The following SIDT1 variants were observed in gnomAD, a reference collection of about 807,000 sequenced individuals.
SIDT1 encodes SID1 transmembrane family member 1.
Under a neutral mutation model 107.5 loss-of-function variants are expected in SIDT1, and 101 were observed. The observed-to-expected ratio is 0.94, with a 90% CI of 0.80 to 1.11. The LOEUF is 1.11. Ranked by LOEUF, SIDT1 falls within the 50% of genes least tolerant of loss-of-function variation. The pLI is 0.00. For synonymous variants in SIDT1, 395 were observed against 398.2 expected, an observed-to-expected ratio of 0.99 and a Z score of 0.10; for missense variants, 1,076 against 1,058.2, an observed-to-expected ratio of 1.02 and a Z score of -0.23.
chr3:113,617,552 G>A (rs758193613), intron 20 of SIDT1, among the ~76,000 whole-genome samples: 7 of 152,162 alleles, frequency 4.6e-5, no homozygotes, highest in Non-Finnish European at 1.0e-4. Context: ...ATGGAAATCC[G>A]TGAGCACTCT....
intron 18 of SIDT1, 127 bp downstream of exon 18, chr3:113,611,271 A>C: frequency 6.8e-5 from 74 of 1,096,138 alleles, no homozygotes; most frequent in Non-Finnish European, 8.6e-5. Context: ...ATTTCATCTC[A>C]TGACACAATT....
chr3:113,555,328 C>T (rs1940726793), intron 1 of SIDT1, among the ~76,000 whole-genome samples: 1 of 152,168 alleles, frequency 6.6e-6, no homozygotes, highest in African/African-American at 2.4e-5. Flanking sequence ...TCATTGGCAT[C>T]CTGTTTGCAA....
intron 9 of SIDT1, among the ~76,000 whole-genome samples, chr3:113,588,350 G>A (rs1943889998): frequency 6.6e-6 from 1 of 152,202 alleles, no homozygotes; most frequent in Non-Finnish European, 1.5e-5. Context: ...GCTAATAGGA[G>A]AACTTTTCCT....
intron 21 of SIDT1, among the ~76,000 whole-genome samples, chr3:113,620,981 A>G (rs907162144): frequency 1.3e-5 from 2 of 152,210 alleles, no homozygotes; most frequent in East Asian, 3.8e-4. Context: ...AAGGGCCTCT[A>G]GGGATGGAGG....
At chr3:113,583,674 A>G (rs1943534813) in intron 7 of SIDT1, among the ~76,000 whole-genome samples, 178 bp downstream of exon 7, 2 of 152,244 alleles carry the variant, frequency 1.3e-5, no homozygotes, top group African/African-American at 4.8e-5. Context: ...TAACAGATCT[A>G]AAGGTATTAT....
intron 1 of SIDT1, among the ~76,000 whole-genome samples, chr3:113,545,787 T>C (rs183484291): frequency 1.1e-4 from 16 of 152,352 alleles, no homozygotes; most frequent in Admixed American, 2.0e-4. Flanking sequence ...AAACAAATTA[T>C]ATCAGTGATA....
At position 113,628,174 on chromosome 3, in the gene SIDT1, A is replaced by G; in HGVS notation, c.*466A>G. 6.3e-6 allele frequency: 1 copy of G among 157,756 alleles called. No individual in the cohort carries two copies. The highest frequency in any genetic ancestry group is 1.4e-5 in the Non-Finnish European group (1 of 71,318). The allele number at this position is 157,756 out of a possible 1,614,324, so 9.8% of individuals were successfully genotyped here. On this transcript the variant is annotated 3_prime_UTR_variant, in exon 25 of 25. Transcript: ENST00000264852. ...CCTCTGCAACACCTGCTGCTCCAGCAAGAGGATGTGATTCTTTAGAATATG... is the reference window on the plus strand; with the variant it reads ...CCTCTGCAACACCTGCTGCTCCAGCGAGAGGATGTGATTCTTTAGAATATG...
In SIDT1 at chr3:113,576,962, C is replaced by T. The variant is rs1942954142; in HGVS notation, c.556C>T (p.Pro186Ser). The change falls in exon 4 of 25, where the codon CCT becomes TCT. Residue 186 changes from proline (P) to serine (S), a missense_variant. Physicochemically the swap from Pro to Ser is moderately conservative, Grantham distance 74 (BLOSUM62 -1). Transcript: ENST00000264852. ...TCACTTTACTGCCAGCCCCTCTCAACCTCAGGTAAGTGAAGGGGTTCCAAG... is the reference window on the plus strand; with the variant it reads ...TCACTTTACTGCCAGCCCCTCTCAATCTCAGGTAAGTGAAGGGGTTCCAAG... ...AFHFTASPSQ[P>S]QYFLYKFPKD... The T allele has an allele frequency of 6.2e-7, 1 of 1,614,164 alleles. No homozygotes were observed. Among genetic ancestry groups the T allele is most frequent in the Non-Finnish European group, 8.5e-7 (1 of 1,179,988 alleles).
downstream of SIDT1, among the ~76,000 whole-genome samples, chr3:113,634,295 T>C (rs1054543220): frequency 6.6e-6 from 1 of 152,224 alleles, no homozygotes; most frequent in Non-Finnish European, 1.5e-5. Flanking sequence ...TGGAAACTTA[T>C]GTCCTCAATT....
Position 113,585,169 on chromosome 3 carries a change from C to T in SIDT1, c.908-8C>T, listed in dbSNP as rs776260485. ...ATGACCTGACCAAAGTTGTTTCTCT[C>T]CCTTCAGAATCTGTTTATGTGAAAT... On this transcript the variant is annotated splice_polypyrimidine_tract_variant and splice_region_variant and intron_variant, in intron 8 of 24. Transcript: ENST00000264852. 6.2e-7 allele frequency: 1 copy of T among 1,607,492 alleles called. No individual in the cohort carries two copies. Among genetic ancestry groups the T allele is most frequent in the Non-Finnish European group, 8.5e-7 (1 of 1,174,268 alleles).
Position 113,612,089 on chromosome 3 carries a change from T to G in SIDT1, c.1861T>G (p.Phe621Val), listed in dbSNP as rs779597347. The change falls in exon 19 of 25, where the codon TTT (phenylalanine) becomes GTT (valine). Residue 621 changes from phenylalanine to valine, a missense_variant. Coordinates refer to ENST00000264852, the MANE Select transcript of SIDT1 (RefSeq NM_017699.3). The part of the protein sequence containing the change: ...VIMVTVLGVV[F>V]GKNDVWFWVI... The stretch of plus-strand genomic sequence containing the variant: ...TAACTTCCATCTTTACTCCTAGGTG[T>G]TTGGAAAAAATGACGTATGGTTCTG... The G allele has an allele frequency of 6.2e-7, 1 of 1,613,574 alleles. No homozygotes were observed. Among genetic ancestry groups the G allele is most frequent in the South Asian group, 1.1e-5 (1 of 91,072 alleles).
At chr3:113,635,835 A>AC in the SIDT1 span, among the ~76,000 whole-genome samples, 1 of 151,562 alleles carries the variant, frequency 6.6e-6, no homozygotes, top group Non-Finnish European at 1.5e-5. Context: ...CTACTGTGCC[A>AC]CTGCACCCCA....
intron 1 of SIDT1, among the ~76,000 whole-genome samples, chr3:113,559,441 T>TA (rs1388361773): frequency 2.0e-5 from 3 of 151,652 alleles, no homozygotes; most frequent in African/African-American, 7.3e-5. Context: ...ATTTATTTTT[T>TA]TTTTTTTTTA....
chr3:113,593,082 T>C (rs1242983362), intron 10 of SIDT1, 34 bp downstream of exon 10: 1 of 1,559,166 alleles, frequency 6.4e-7, no homozygotes. Context: ...TTCAAAATGG[T>C]GTCGCATAGT....
At chr3:113,590,138 A>G (rs1219216803) in intron 9 of SIDT1, 1 of 152,222 alleles carries the variant, frequency 6.6e-6, no homozygotes, top group Non-Finnish European at 1.5e-5. Context: ...CAAGACCTGA[A>G]TGGCAAGAAG....
At chr3:113,566,693 A>G in intron 2 of SIDT1, 152 bp downstream of exon 2, 1 of 839,900 alleles carries the variant, frequency 1.2e-6, no homozygotes, top group Admixed American at 2.6e-5. Context: ...ATCATGGTGC[A>G]TGCCCTGACC....
At position 113,612,078 on chromosome 3, in the gene SIDT1, A is replaced by T; in HGVS notation, c.1858-8A>T. 6.2e-7 allele frequency: 1 copy of T among 1,606,980 alleles called. No homozygotes were observed. The highest frequency in any genetic ancestry group is 8.5e-7 in the Non-Finnish European group (1 of 1,173,874). On this transcript the variant is annotated splice_polypyrimidine_tract_variant and splice_region_variant and intron_variant, in intron 18 of 24. Transcript: ENST00000264852. The stretch of plus-strand genomic sequence containing the variant: ...TCAGATGAAGGTAACTTCCATCTTT[A>T]CTCCTAGGTGTTTGGAAAAAATGAC...
chr3:113,581,759 G>A (rs1943364400), intron 6 of SIDT1: 2 of 278,246 alleles, frequency 7.2e-6, no homozygotes, highest in South Asian at 8.3e-5. Context: ...TGCAATCCCA[G>A]CTACTCAGGA....
At chr3:113,558,360 C>T (rs1941096569) in intron 1 of SIDT1, among the ~76,000 whole-genome samples, 1 of 152,082 alleles carries the variant, frequency 6.6e-6, no homozygotes, top group African/African-American at 2.4e-5. Context: ...TTTTTCTCAC[C>T]CTGATCCTCT....
Sources: allele counts gnomAD v4.1 joint callset (sites outside exome capture counted in the v4.1 genomes callset), GRCh38; gene constraint gnomAD v4.1.1; transcripts MANE v1.5; gene names NCBI Gene and HGNC (gene_info 2026-07-23, HGNC 2026-07-21).